Variants in ADNP2 observed in about 807,000 individuals in gnomAD.
ADNP2 encodes the protein activity-dependent neuroprotector homeobox protein 2.
A neutral mutation model predicts 16.4 loss-of-function variants in ADNP2; 8 were observed. The observed-to-expected ratio is 0.49, with a 90% CI of 0.29 to 0.88. The LOEUF (loss-of-function observed/expected upper bound fraction) is 0.88. Among genes scored for constraint, ADNP2 ranks in the 40% least tolerant of loss-of-function variants. The pLI, the probability that ADNP2 is intolerant of heterozygous loss-of-function variation, is 0.09. For missense variants in ADNP2, 1,397 were observed against 1,395.1 expected, an observed-to-expected ratio of 1.00 and a Z score of -0.02; for synonymous variants, 637 against 545.8, an observed-to-expected ratio of 1.17 and a Z score of -2.33.
Position 80,137,057 on chromosome 18 carries a change from T to C in ADNP2, c.1644T>C (p.Pro548=), listed in dbSNP as rs763123252. The C allele has an allele frequency of 6.2e-6, 10 of 1,614,010 alleles. No homozygotes were observed. Among genetic ancestry groups the C allele is most frequent in the Non-Finnish European group, 6.8e-6 (8 of 1,179,996 alleles). The change falls in exon 4 of 4, where the codon CCT becomes CCC. Residue 548 remains proline, a synonymous_variant. Coordinates refer to ENST00000262198, the MANE Select transcript of ADNP2 (RefSeq NM_014913.4). This position sits in a 1 kb window ranked among gnomAD's most constrained non-coding sequence, Gnocchi z 4.2. ...VNSGVLQLSQ[P]VVSGVLPVGQ... is the part of the protein sequence containing the mutation. ...CTGGTGTTCTGCAGCTTAGTCAGCCTGTTGTGTCGGGAGTTCTTCCTGTGG... is the reference window on the plus strand; with the variant it reads ...CTGGTGTTCTGCAGCTTAGTCAGCCCGTTGTGTCGGGAGTTCTTCCTGTGG...
At chr18:80,133,856 C>T (rs1484655732) in intron 3 of ADNP2, 1 of 151,418 alleles carries the variant, frequency 6.6e-6, no homozygotes, top group Admixed American at 6.6e-5. Context: ...TTTGGGGGGA[C>T]AGGGTCTCAC....
At chr18:80,122,918 C>T (rs1056928035) in intron 2 of ADNP2, among the ~76,000 whole-genome samples, 2 of 152,042 alleles carry the variant, frequency 1.3e-5, no homozygotes, top group African/African-American at 4.8e-5. Context: ...GGTCTTTTAC[C>T]GTTGAATATG....
intron 1 of ADNP2, 133 bp downstream of exon 1, chr18:80,109,605 C>T (rs2052343538): frequency 6.7e-6 from 1 of 148,874 alleles, no homozygotes; most frequent in South Asian, 2.0e-4. Context: ...CCGCCGCCTG[C>T]CCTCGCGCCG....
At position 80,136,280 on chromosome 18, in the gene ADNP2, T is replaced by C. The variant is rs749864657; in HGVS notation, c.867T>C (p.Pro289=). The stretch of plus-strand genomic sequence containing the variant: ...GTGCTCCAAGCGCTCCAGCGCAGCC[T>C]CCTTGCTTCCATCTTGCTTTGCCAC... The part of the protein sequence containing the change: ...NGSAPSAPAQ[P]PCFHLALPQN... The change falls in exon 4 of 4, where the codon CCT becomes CCC. Residue 289 remains proline (P), a synonymous_variant. Coordinates refer to ENST00000262198, the MANE Select transcript of ADNP2 (RefSeq NM_014913.4). 5 of 1,613,482 alleles carry C rather than the reference T, an allele frequency of 3.1e-6. No homozygotes were observed. The East Asian group carries it at 1.1e-4, about 36-fold the overall frequency.
In ADNP2 at chr18:80,136,831, C is replaced by T; in HGVS notation, c.1418C>T (p.Ser473Phe). The T allele has an allele frequency of 1.2e-6, 2 of 1,614,162 alleles. No homozygotes were observed. The highest frequency in any genetic ancestry group is 4.5e-5 in the East Asian group (2 of 44,870). ...GTTATCCCTGGGCAAACAGCAACTT[C>T]TGGGGTTCTTCCTACTGGCCAGATG... ...AGVIPGQTATSGVLPTGQMVQ... is the reference protein window; with the variant it reads ...AGVIPGQTATFGVLPTGQMVQ... Residue 473 changes from serine to phenylalanine, a missense_variant, in exon 4 of 4, where the codon TCT becomes TTT. Physicochemically the swap from Ser to Phe is radical, Grantham distance 155 (BLOSUM62 -2). Coordinates refer to ENST00000262198, the MANE Select transcript of ADNP2 (RefSeq NM_014913.4).
At chr18:80,121,111 T>A (rs1375634449) in intron 2 of ADNP2, among the ~76,000 whole-genome samples, 1 of 152,230 alleles carries the variant, frequency 6.6e-6, no homozygotes, top group Non-Finnish European at 1.5e-5. Flanking sequence ...TGTACAAGAA[T>A]TAAATCTGTT....
At chr18:80,121,415 A>G (rs2052424046) in intron 2 of ADNP2, among the ~76,000 whole-genome samples, 1 of 152,230 alleles carries the variant, frequency 6.6e-6, no homozygotes, top group Non-Finnish European at 1.5e-5. Flanking sequence ...TTGTTGAAAT[A>G]CAGTAATTTC....
rs892223872 is a variant in ADNP2 at position 80,137,530 on chromosome 18, A to G, written c.2117A>G (p.Asn706Ser). Reference protein sequence around the residue: ...CPVCNELFPSNVYQVHMEVAH... With the variant: ...CPVCNELFPSSVYQVHMEVAH... ...GTCTGCAACGAGCTCTTTCCGTCCA[A>G]CGTCTACCAGGTCCACATGGAGGTA... Residue 706 changes from asparagine to serine, a missense_variant, in exon 4 of 4, where the codon AAC becomes AGC. Physicochemically the swap from Asn to Ser is conservative, Grantham distance 46. This residue lies in a region of ADNP2 where 611 missense variants were observed against 648.7 expected (regional missense o/e 0.94). Transcript: ENST00000262198. The surrounding 1 kb of genome is among the most constrained non-coding windows in gnomAD (Gnocchi z 4.2). The G allele has an allele frequency of 8.1e-6, 13 of 1,614,088 alleles. No individual in the cohort carries two copies. In the Admixed American group the frequency reaches 8.3e-5, roughly 10 times the overall value.
intron 3 of ADNP2, chr18:80,133,767 T>C (rs1013613779): frequency 6.5e-6 from 1 of 152,956 alleles, no homozygotes; most frequent in African/African-American, 2.4e-5. Flanking sequence ...CCAGCTTCTG[T>C]GGTCAAAGTC....
rs764479741 is a variant in ADNP2, at chr18:80,137,512, A to G, written c.2099A>G (p.Asn700Ser). The change falls in exon 4 of 4, where the codon AAC becomes AGC. Residue 700 changes from asparagine (N) to serine (S), a missense_variant. Asn to Ser is a conservative substitution (Grantham distance 46, BLOSUM62 1). Around this residue, in one of 3 missense-constraint regions of ADNP2, gnomAD observed 611 missense variants for 648.7 expected, o/e 0.94. Coordinates refer to ENST00000262198, the MANE Select transcript of ADNP2 (RefSeq NM_014913.4). The surrounding 1 kb of genome is among the most constrained non-coding windows in gnomAD (Gnocchi z 4.2). The stretch of plus-strand genomic sequence containing the variant: ...CAGTGGAAGACCTGCCCTGTCTGCA[A>G]CGAGCTCTTTCCGTCCAACGTCTAC... ...AKQWKTCPVC[N>S]ELFPSNVYQV... is the part of the protein sequence containing the mutation. 16 of 1,614,108 alleles carry G rather than the reference A, an allele frequency of 9.9e-6. No homozygotes were observed. Among genetic ancestry groups the G allele is most frequent in the East Asian group, 4.5e-5 (2 of 44,900 alleles).
chr18:80,121,805 T>G (rs62102639), intron 2 of ADNP2, among the ~76,000 whole-genome samples: 24,939 of 152,216 alleles, frequency 0.16, 2,848 homozygotes, highest in East Asian at 0.48. Flanking sequence ...TGTTCCCTAT[T>G]GAATGGACTT....
intron 1 of ADNP2, among the ~76,000 whole-genome samples, chr18:80,114,436 A>G (rs2052376614): frequency 1.3e-5 from 2 of 152,302 alleles, no homozygotes; most frequent in East Asian, 3.9e-4. Flanking sequence ...ACACATTTAA[A>G]TTTTGGAATA....
chr18:80,113,785 G>T (rs947183949), intron 1 of ADNP2, among the ~76,000 whole-genome samples: 2 of 152,070 alleles, frequency 1.3e-5, no homozygotes, highest in African/African-American at 4.8e-5. Context: ...GCAGTGGAGT[G>T]GTATGTGGTT....
intron 1 of ADNP2, among the ~76,000 whole-genome samples, chr18:80,116,727 C>T (rs1336942847): frequency 1.3e-5 from 2 of 152,178 alleles, no homozygotes; most frequent in African/African-American, 2.4e-5. Context: ...CCTTGACCTC[C>T]TGGGCTCGGG....
chr18:80,123,616 G>C (rs188572718), intron 2 of ADNP2, among the ~76,000 whole-genome samples: 1 of 151,854 alleles, frequency 6.6e-6, no homozygotes, highest in Admixed American at 6.6e-5. Flanking sequence ...TGATCTGCCC[G>C]CCTCGGCCTC....
chr18:80,115,478 G>A (rs2052383139), intron 1 of ADNP2, among the ~76,000 whole-genome samples: 1 of 152,130 alleles, frequency 6.6e-6, no homozygotes, highest in South Asian at 2.1e-4. Flanking sequence ...TGTGTATGTG[G>A]ACACACACTC....
In ADNP2 at chr18:80,138,248, C is replaced by T. The variant is rs561195907; in HGVS notation, c.2835C>T (p.Ser945=). The change falls in exon 4 of 4, where the codon AGC becomes AGT. Residue 945 remains serine, a synonymous_variant. Coordinates refer to ENST00000262198, the MANE Select transcript of ADNP2 (RefSeq NM_014913.4). ...GCTGCAGAAGTGCTCCCAAGGACAGCAGCTCAGACCTGCAGGCCCAGCCGG... is the reference window on the plus strand; with the variant it reads ...GCTGCAGAAGTGCTCCCAAGGACAGTAGCTCAGACCTGCAGGCCCAGCCGG... ...LVRCRSAPKD[S]SSDLQAQPGF... 20 of 1,614,138 alleles carry T rather than the reference C, an allele frequency of 1.2e-5. No individual in the cohort carries two copies. In the African/African-American group the frequency reaches 1.3e-4, roughly 11 times the overall value.
At chr18:80,125,584 A>C (rs1320091801) in intron 2 of ADNP2, among the ~76,000 whole-genome samples, 1 of 152,076 alleles carries the variant, frequency 6.6e-6, no homozygotes, top group Non-Finnish European at 1.5e-5. Flanking sequence ...TGGAGCTTGC[A>C]GTGAGCCTAG....
Position 80,136,576 on chromosome 18 carries a change from G to A in ADNP2, c.1163G>A (p.Ser388Asn). The change falls in exon 4 of 4, where the codon AGT (serine) becomes AAT (asparagine). Residue 388 changes from serine (S) to asparagine (N), a missense_variant. Physicochemically the swap from Ser to Asn is conservative, Grantham distance 46. Around this residue, in one of 3 missense-constraint regions of ADNP2, gnomAD observed 777 missense variants for 719.4 expected, o/e 1.08. Coordinates refer to ENST00000262198, the MANE Select transcript of ADNP2 (RefSeq NM_014913.4). ...CCTGTCAATAAGTCTGTTGGAACTA[G>A]TGTCCTCCCCATAAATCAGACTGTT... ...VGPVNKSVGT[S>N]VLPINQTVRP... is the part of the protein sequence containing the mutation. The A allele has an allele frequency of 6.2e-7, 1 of 1,614,216 alleles. No individual in the cohort carries two copies. Among genetic ancestry groups the A allele is most frequent in the Non-Finnish European group, 8.5e-7 (1 of 1,180,046 alleles).
Sources: gnomAD v4.1 joint callset for allele counts (sites outside exome capture counted in the v4.1 genomes callset) on GRCh38, gnomAD v4.1.1 for gene constraint, gnomAD v4.1.1 regional missense constraint, Gnocchi (gnomAD v3.1) non-coding constraint, MANE v1.5 for transcripts, NCBI Gene and HGNC (gene_info 2026-07-23, HGNC 2026-07-21) for gene names.